Variants in NETO1 observed in about 807,000 individuals in gnomAD.
The protein encoded by NETO1 is neuropilin and tolloid like 1, also known as neuropilin and tolloid-like protein 1.
NETO1 carries 26 observed loss-of-function variants against 61.3 expected under a neutral mutation model. The ratio of observed to expected loss-of-function variants is 0.42; its 90% CI spans 0.31 to 0.59. The LOEUF (loss-of-function observed/expected upper bound fraction) is 0.59, where lower values mean the gene tolerates loss of function less well. Ranked by LOEUF, NETO1 falls within the 20% of genes least tolerant of loss-of-function variation. The pLI is 0.12. For missense variants in NETO1, 531 were observed against 662.8 expected, an observed-to-expected ratio of 0.80 and a Z score of 2.18; for synonymous variants, 225 against 225.8, an observed-to-expected ratio of 1.00 and a Z score of 0.03.
rs566084632 is a variant in NETO1 at position 72,756,623 on chromosome 18, G to A, written c.869-476C>T. ...ACCCTGTAACATTACTTAAGAATAC[G>A]AAAAAACAAAATGCCATGGAAATTC... is the stretch of plus-strand genomic sequence containing the variant. On this transcript the variant is annotated intron_variant, in intron 7 of 10. Transcript: ENST00000327305. Among the ~76,000 whole-genome samples, 399 of 151,828 alleles carry A rather than the reference G, an allele frequency of 2.6e-3. 2 individuals carry two copies. The highest frequency in any genetic ancestry group is 9.3e-3 in the African/African-American group (385 of 41,454).
chr18:72,859,980 G>A (rs1401577971), intron 3 of NETO1, among the ~76,000 whole-genome samples: 1 of 151,656 alleles, frequency 6.6e-6, no homozygotes, highest in East Asian at 1.9e-4. Flanking sequence ...ATTCATAAAT[G>A]TTTTTACAGC....
Position 72,867,064 on chromosome 18 carries a change from G to A in NETO1, c.28+200C>T, listed in dbSNP as rs182856410. 17 of 471,006 alleles carry A rather than the reference G, an allele frequency of 3.6e-5. No homozygotes were observed. In the Admixed American group the frequency reaches 4.7e-4, roughly 13 times the overall value. 29.2% of individuals were successfully genotyped at this position (471,006 alleles called of 1,614,324 possible). On this transcript the variant is annotated intron_variant, in intron 1 of 10. Coordinates refer to ENST00000327305, the MANE Select transcript of NETO1 (RefSeq NM_138966.5). ...CGTTCTCCGGCAGGTTTTGGGATCC[G>A]GCGACGGCTGACCGCGCGCCGCCCC...
In NETO1 at chr18:72,834,614, A is replaced by G. The variant is rs747331462; in HGVS notation, c.469+24212T>C. 1.6e-5 allele frequency: 16 copies of G among 983,600 alleles called. No individual in the cohort carries two copies. In the South Asian group the frequency reaches 6.1e-4, roughly 38 times the overall value. The allele number at this position is 983,600 out of a possible 1,614,324, so 60.9% of individuals were successfully genotyped here. A position where few individuals can be genotyped will look rare whatever the true frequency, so the allele number is the denominator to read the frequency against. ...CAGATCAAAGTCATGTTGGAGCTAC[A>G]GGAAATTTATGTTTATAATTACTTA... On this transcript the variant is annotated intron_variant, in intron 4 of 10. Coordinates refer to ENST00000327305, the MANE Select transcript of NETO1 (RefSeq NM_138966.5).
At chr18:72,827,694 C>T (rs1225052922) in intron 4 of NETO1, among the ~76,000 whole-genome samples, 1 of 123,814 alleles carries the variant, frequency 8.1e-6, no homozygotes, top group Non-Finnish European at 1.6e-5. Context: ...TCATCCTGGG[C>T]AACCAAAGTG....
At chr18:72,866,905 G>T in intron 1 of NETO1, 1 of 524,672 alleles carries the variant, frequency 1.9e-6, no homozygotes, top group Non-Finnish European at 2.7e-6. Context: ...AGACTCCTCT[G>T]GCCCCACTAG....
chr18:72,834,417 T>C (rs1306080574), intron 4 of NETO1: 1 of 972,970 alleles, frequency 1.0e-6, no homozygotes, highest in South Asian at 4.8e-5. Flanking sequence ...ATAAGAAAAT[T>C]TCACTGAAAT....
At chr18:72,857,841 C>T (rs957839553) in intron 4 of NETO1, among the ~76,000 whole-genome samples, 1 of 152,070 alleles carries the variant, frequency 6.6e-6, no homozygotes, top group Non-Finnish European at 1.5e-5. Context: ...ACAGTAAATA[C>T]TTGATTTAAC....
At chr18:72,825,191 A>G (rs2073336803) in intron 4 of NETO1, among the ~76,000 whole-genome samples, 6 of 152,142 alleles carry the variant, frequency 3.9e-5, no homozygotes, top group Admixed American at 3.9e-4. Flanking sequence ...GAAAACTCAA[A>G]GACTGGAATG....
chr18:72,777,543 G>A (rs1314295459), intron 7 of NETO1, among the ~76,000 whole-genome samples: 3 of 151,408 alleles, frequency 2.0e-5, no homozygotes, highest in African/African-American at 7.3e-5. Flanking sequence ...GACCAAGACC[G>A]TCCTGGCTAA....
intron 4 of NETO1, chr18:72,834,914 TATC>T (rs1402523741): frequency 8.2e-5 from 63 of 764,376 alleles, no homozygotes; most frequent in African/African-American, 7.8e-4. Flanking sequence ...AATCTTTTAA[TATC>T]ATATATAAAA....
At chr18:72,844,869 C>T (rs566520628) in intron 4 of NETO1, among the ~76,000 whole-genome samples, 6 of 152,176 alleles carry the variant, frequency 3.9e-5, no homozygotes, top group Non-Finnish European at 8.8e-5. Flanking sequence ...GCTGTGGCTA[C>T]GTGAGCACGT....
rs377585132 is a variant in NETO1, at chr18:72,749,044, T to C, written c.1586A>G (p.Asn529Ser). 6.2e-7 allele frequency: 1 copy of C among 1,611,354 alleles called. No individual in the cohort carries two copies. The highest frequency in any genetic ancestry group is 1.1e-5 in the South Asian group (1 of 91,046). The stretch of plus-strand genomic sequence containing the variant: ...ATTTTCTTTCTAGACCCTAGTTGTG[T>C]TGTATTCAGATTCATGTTTGCTTAG... ...GSLSKHESEYNTTRV is the reference protein window; with the variant it reads ...GSLSKHESEYSTTRV Residue 529 changes from asparagine to serine, a missense_variant, in exon 10 of 11, where the codon AAC (asparagine) becomes AGC (serine). Physicochemically the swap from Asn to Ser is conservative, Grantham distance 46. Coordinates refer to ENST00000327305, the MANE Select transcript of NETO1 (RefSeq NM_138966.5).
intron 4 of NETO1, among the ~76,000 whole-genome samples, chr18:72,823,656 C>T (rs2073282213): frequency 6.6e-6 from 1 of 152,086 alleles, no homozygotes; most frequent in East Asian, 1.9e-4. Context: ...CCCTGATTCT[C>T]CATCACCTAA....
chr18:72,774,644 T>C (rs2071484351), intron 7 of NETO1, among the ~76,000 whole-genome samples: 1 of 152,198 alleles, frequency 6.6e-6, no homozygotes, highest in Admixed American at 6.5e-5. Flanking sequence ...CAAATATGTT[T>C]CTTGGTATTT....
intron 7 of NETO1, 112 bp from the exon 8 acceptor site, chr18:72,756,259 G>A: frequency 1.7e-6 from 1 of 584,740 alleles, no homozygotes; most frequent in South Asian, 2.4e-5. Context: ...GCCACAAACT[G>A]AGATAAATGA....
intron 6 of NETO1, among the ~76,000 whole-genome samples, chr18:72,788,122 C>G (rs564249371): frequency 5.9e-5 from 9 of 152,086 alleles, no homozygotes; most frequent in Non-Finnish European, 1.0e-4. Flanking sequence ...ATATTTTCCA[C>G]AAGAGGTGAC....
chr18:72,841,648 T>C (rs1045708218), intron 4 of NETO1, among the ~76,000 whole-genome samples: 3 of 146,216 alleles, frequency 2.1e-5, no homozygotes, highest in Admixed American at 1.4e-4. Context: ...GCAAGAGAAT[T>C]GCTTGAGCCC....
intron 4 of NETO1, among the ~76,000 whole-genome samples, chr18:72,851,737 T>A (rs2074256355): frequency 6.6e-6 from 1 of 152,172 alleles, no homozygotes; most frequent in South Asian, 2.1e-4. Context: ...AAATCATGTA[T>A]CAGTTAATGG....
intron 3 of NETO1, among the ~76,000 whole-genome samples, chr18:72,862,564 T>G (rs2074605064): frequency 6.6e-6 from 1 of 151,668 alleles, no homozygotes; most frequent in African/African-American, 2.4e-5. Context: ...ATTAGAACAG[T>G]CCCAGGATAC....
Sources: gnomAD v4.1 joint callset for allele counts (sites outside exome capture counted in the v4.1 genomes callset) on GRCh38, gnomAD v4.1.1 for gene constraint, MANE v1.5 for transcripts, NCBI Gene and HGNC (gene_info 2026-07-23, HGNC 2026-07-21) for gene names.